MAP4: variants seen among roughly 807,000 people sequenced by gnomAD.
MAP4 encodes the protein microtubule associated protein 4, also known as microtubule-associated protein 4.
Under a neutral mutation model 170.2 loss-of-function variants are expected in MAP4, and 76 were observed. The observed-to-expected ratio is 0.45, with a 90% CI of 0.37 to 0.54. The LOEUF (loss-of-function observed/expected upper bound fraction) is 0.54. Among genes scored for constraint, MAP4 ranks in the 20% least tolerant of loss-of-function variants. The pLI is 0.00. For missense variants in MAP4, 2,506 were observed against 2,748.0 expected (o/e 0.91, Z 1.97); for synonymous variants, 909 against 994.5 (o/e 0.91, Z 1.62).
intron 16 of MAP4, among the ~76,000 whole-genome samples, chr3:47,867,613 G>T (rs2151765839): frequency 6.6e-6 from 1 of 152,342 alleles, no homozygotes; most frequent in South Asian, 2.1e-4. Flanking sequence ...TTTGGGGGCG[G>T]GGTTGTGGTT....
At chr3:47,892,495 C>G in intron 10 of MAP4, 2 of 1,517,562 alleles carry the variant, frequency 1.3e-6, no homozygotes, top group Non-Finnish European at 1.8e-6. Context: ...GCGACATCGT[C>G]TCTCCTCCAC....
At chr3:47,948,225 CTT>C (rs35761893) in intron 3 of MAP4, among the ~76,000 whole-genome samples, 6 of 128,380 alleles carry the variant, frequency 4.7e-5, no homozygotes, top group Admixed American at 1.6e-4. Context: ...TTGACCTATT[CTT>C]TTTTTTTTTT....
intron 9 of MAP4, among the ~76,000 whole-genome samples, chr3:47,908,725 T>TA (rs1396276301): frequency 6.6e-6 from 1 of 152,158 alleles, no homozygotes; most frequent in African/African-American, 2.4e-5. Flanking sequence ...GGCACAATTT[T>TA]AAAAAAATTA....
intron 2 of MAP4, among the ~76,000 whole-genome samples, chr3:47,987,990 T>C (rs759396997): frequency 1.1e-4 from 16 of 152,078 alleles, no homozygotes; most frequent in Middle Eastern, 3.4e-3. Context: ...GTCAGGAGAT[T>C]GAGACCATCC....
chr3:47,862,678 C>T (rs1241772297), intron 17 of MAP4, among the ~76,000 whole-genome samples: 3 of 152,124 alleles, frequency 2.0e-5, no homozygotes, highest in Admixed American at 6.5e-5. Flanking sequence ...GGGGTTTCAC[C>T]GTGTTAGCCA....
chr3:48,056,554 C>G (rs1207793328), intron 1 of MAP4, among the ~76,000 whole-genome samples: 1 of 99,176 alleles, frequency 1.0e-5, no homozygotes, highest in Non-Finnish European at 1.9e-5. Context: ...TCTGCCCGGC[C>G]GCCCCTACTG....
intron 2 of MAP4, among the ~76,000 whole-genome samples, chr3:47,995,173 T>C (rs565704376): frequency 6.6e-6 from 1 of 152,168 alleles, no homozygotes; most frequent in African/African-American, 2.4e-5. Flanking sequence ...AAATAAAATA[T>C]GAACTTTACT....
chr3:48,081,822 T>C (rs951292233), intron 1 of MAP4, among the ~76,000 whole-genome samples: 5 of 152,080 alleles, frequency 3.3e-5, no homozygotes, highest in Admixed American at 6.6e-5. Context: ...AGAAACCAGA[T>C]AGTGGTTTCC....
At chr3:47,891,672 T>C (rs2100024033) in intron 10 of MAP4, 7 of 1,536,234 alleles carry the variant, frequency 4.6e-6, no homozygotes, top group Non-Finnish European at 6.1e-6. Flanking sequence ...TCCAACTCCT[T>C]ATCATGGTCT....
At chr3:47,951,918 C>T (rs1002066673) in intron 3 of MAP4, among the ~76,000 whole-genome samples, 4 of 151,556 alleles carry the variant, frequency 2.6e-5, no homozygotes, top group African/African-American at 4.8e-5. Context: ...CGCCTCTTCC[C>T]GGCCGCCATC....
intron 3 of MAP4, among the ~76,000 whole-genome samples, chr3:47,934,708 T>G (rs911989592): frequency 6.6e-5 from 10 of 152,180 alleles, no homozygotes; most frequent in African/African-American, 2.4e-4. Flanking sequence ...TGTTTTTTTG[T>G]TTTTTTCCCC....
rs144167513 is a variant in MAP4, at chr3:48,032,563, G to A, written c.-19-33684C>T. On this transcript the variant is annotated intron_variant, in intron 1 of 18. Transcript: ENST00000360240. The stretch of plus-strand genomic sequence containing the variant: ...ACCTGTAATCCCAGCTACTCAGGAG[G>A]CTGAGGCAGGAGAATCGCTTGAACC... 4.2e-3 allele frequency among the ~76,000 whole-genome samples: 646 copies of A among 152,058 alleles called. 5 individuals carry two copies. Among genetic ancestry groups the A allele is most frequent in the African/African-American group, 0.014 (589 of 41,482 alleles).
Position 47,910,911 on chromosome 3 carries a change from A to G in MAP4, c.3510T>C (p.Ser1170=), listed in dbSNP as rs770665796. The change falls in exon 9 of 21, where the codon TCT becomes TCC. Residue 1170 remains serine (S), a synonymous_variant. Transcript: ENST00000683076. ...LESGSGMTQT[S]GVSTETGDVV... ...CATCTCCTGTTTCTGTGCTAACACCAGAAGTCTGAGTCATGCCTGATCCAC... is the reference window on the plus strand; with the variant it reads ...CATCTCCTGTTTCTGTGCTAACACCGGAAGTCTGAGTCATGCCTGATCCAC... 172 of 1,535,982 alleles carry G rather than the reference A, an allele frequency of 1.1e-4. 1 individual carries two copies. Among genetic ancestry groups the G allele is most frequent in the Middle Eastern group, 1.0e-3 (6 of 6,012 alleles).
At chr3:47,922,866 A>C (rs1246142322) in intron 4 of MAP4, among the ~76,000 whole-genome samples, 1 of 152,086 alleles carries the variant, frequency 6.6e-6, no homozygotes, top group Non-Finnish European at 1.5e-5. Context: ...TGGCTAATAG[A>C]GTGAAACCCC....
intron 17 of MAP4, among the ~76,000 whole-genome samples, chr3:47,866,622 C>T (rs1227519871): frequency 6.6e-6 from 1 of 151,454 alleles, no homozygotes; most frequent in East Asian, 2.0e-4. Flanking sequence ...GGCATGGTGG[C>T]GAGTACCTGC....
At chr3:48,049,985 T>C (rs1273289212) in intron 1 of MAP4, among the ~76,000 whole-genome samples, 2 of 150,718 alleles carry the variant, frequency 1.3e-5, no homozygotes, top group Non-Finnish European at 3.0e-5. Flanking sequence ...TTTGGCCGGG[T>C]GCAGTGGCCC....
intron 17 of MAP4, among the ~76,000 whole-genome samples, chr3:47,865,655 G>A (rs1470794793): frequency 6.6e-6 from 1 of 152,156 alleles, no homozygotes; most frequent in East Asian, 1.9e-4. Flanking sequence ...AAAATGATAA[G>A]GGTAAGTGGA....
intron 10 of MAP4, chr3:47,891,537 A>C (rs1015539117): frequency 1.3e-6 from 2 of 1,523,470 alleles, no homozygotes; most frequent in African/African-American, 2.7e-5. Context: ...AGTTCAGGGT[A>C]CTTATCTGCA....
chr3:47,964,739 C>A (rs2100073820), intron 3 of MAP4, among the ~76,000 whole-genome samples: 1 of 152,184 alleles, frequency 6.6e-6, no homozygotes, highest in Non-Finnish European at 1.5e-5. Flanking sequence ...TGCAACTGGA[C>A]AAACCAGAAC....
Sources: allele counts gnomAD v4.1 joint callset (sites outside exome capture counted in the v4.1 genomes callset), GRCh38; gene constraint gnomAD v4.1.1; transcripts MANE v1.5; gene names NCBI Gene and HGNC (gene_info 2026-07-23, HGNC 2026-07-21).